Variants in BTBD9 observed in about 807,000 individuals in gnomAD.
BTBD9 encodes the protein BTB/POZ domain-containing protein 9.
A neutral mutation model predicts 64.3 loss-of-function variants in BTBD9; 49 were observed. The observed-to-expected ratio is 0.76, with a 90% CI of 0.61 to 0.97. The LOEUF is 0.97. Ranked by LOEUF, BTBD9 falls within the 50% of genes least tolerant of loss-of-function variation. The pLI is 0.00. For missense variants in BTBD9, 598 were observed against 762.1 expected, an observed-to-expected ratio of 0.78 and a Z score of 2.53; for synonymous variants, 260 against 274.7, an observed-to-expected ratio of 0.95 and a Z score of 0.53.
In BTBD9 at chr6:38,453,806, C is replaced by T. The variant is rs532636870; in HGVS notation, c.1155-108713G>A. ...ATTAAAATGCTACAACTGCAATAAC[C>T]GCTATATAAATAAATCAAGCTGCTT... On this transcript the variant is annotated intron_variant, in intron 6 of 10. Coordinates refer to ENST00000481247, the MANE Select transcript of BTBD9 (RefSeq NM_001099272.2). Among the ~76,000 whole-genome samples, 5 of 152,188 alleles carry T rather than the reference C, an allele frequency of 3.3e-5. No individual in the cohort carries two copies. The South Asian group carries it at 1.0e-3, about 32-fold the overall frequency.
At chr6:38,378,873 C>CAAAAAAAAAAAAAAAAAA (rs61334171) in intron 6 of BTBD9, among the ~76,000 whole-genome samples, 1 of 110,286 alleles carries the variant, frequency 9.1e-6, no homozygotes, top group Non-Finnish European at 2.0e-5. Context: ...GACTCCATCT[C>CAAAAAAAAAAAAAAAAAA]AAAAAAAAAA....
At chr6:38,626,150 T>TA (rs1053091725) in intron 1 of BTBD9, among the ~76,000 whole-genome samples, 3 of 152,102 alleles carry the variant, frequency 2.0e-5, no homozygotes, top group South Asian at 2.1e-4. Context: ...CACACATACT[T>TA]AAAAAAAATT....
intron 6 of BTBD9, among the ~76,000 whole-genome samples, chr6:38,477,142 T>C (rs901351226): frequency 1.8e-4 from 27 of 152,212 alleles, no homozygotes; most frequent in Non-Finnish European, 2.9e-4. Flanking sequence ...TGAATTCCAC[T>C]GAGGGAGAAG....
intron 2 of BTBD9, among the ~76,000 whole-genome samples, 181 bp downstream of exon 2, chr6:38,597,729 T>G (rs1777095926): frequency 6.6e-6 from 1 of 152,144 alleles, no homozygotes; most frequent in Non-Finnish European, 1.5e-5. Context: ...AGGTGGCTCC[T>G]AAAGGAAAAG....
At chr6:38,195,342 A>G (rs931179350) in intron 9 of BTBD9, among the ~76,000 whole-genome samples, 33 of 152,106 alleles carry the variant, frequency 2.2e-4, no homozygotes, top group African/African-American at 7.5e-4. Context: ...AAATATTCCA[A>G]CTCACCAGGT....
At chr6:38,602,438 G>A (rs918132049) in intron 1 of BTBD9, among the ~76,000 whole-genome samples, 4 of 151,878 alleles carry the variant, frequency 2.6e-5, no homozygotes, top group African/African-American at 9.7e-5. Context: ...TTAAGTATGT[G>A]TATTTACATG....
Position 38,422,892 on chromosome 6 carries a change from G to T in BTBD9, c.1155-77799C>A, listed in dbSNP as rs114681661. On this transcript the variant is annotated intron_variant, in intron 6 of 10. Transcript: ENST00000481247. Reference sequence around the variant, plus strand: ...AGACGGGAGGACTGCTTGAGGCCCGGAAGTCATGATCAGCCTGGTCAACAT... The same window carrying T: ...AGACGGGAGGACTGCTTGAGGCCCGTAAGTCATGATCAGCCTGGTCAACAT... Among the ~76,000 whole-genome samples, 452 of 152,226 alleles carry T rather than the reference G, an allele frequency of 3.0e-3. 2 individuals are homozygous for T. Among genetic ancestry groups the T allele is most frequent in the African/African-American group, 0.01 (433 of 41,538 alleles).
Position 38,275,008 on chromosome 6 carries a change from A to G in BTBD9, c.1454+13264T>C, listed in dbSNP as rs565179007. ...ATTGGAAAAAACTACTTTAAAGTTC[A>G]TATGGAACCAAAAAAGAGCCCGCAT... On this transcript the variant is annotated intron_variant, in intron 8 of 10. Coordinates refer to ENST00000481247, the MANE Select transcript of BTBD9 (RefSeq NM_001099272.2). Among the ~76,000 whole-genome samples the G allele has an allele frequency of 4.6e-5, 7 of 152,320 alleles. No individual in the cohort carries two copies. In the South Asian group the frequency reaches 1.4e-3, roughly 32 times the overall value.
chr6:38,335,254 A>T (rs536103707), intron 7 of BTBD9, among the ~76,000 whole-genome samples: 119 of 140,966 alleles, frequency 8.4e-4, no homozygotes, highest in Non-Finnish European at 1.4e-3. Flanking sequence ...TTAATTTTAA[A>T]TTTTTTTTTT....
chr6:38,179,143 G>A (rs924158583), intron 10 of BTBD9, among the ~76,000 whole-genome samples: 1 of 152,140 alleles, frequency 6.6e-6, no homozygotes, highest in African/African-American at 2.4e-5. Flanking sequence ...GAGCTACCAT[G>A]CCCAGCCTAC....
chr6:38,504,589 G>C (rs976461742), intron 6 of BTBD9: 22 of 456,394 alleles, frequency 4.8e-5, no homozygotes, highest in Admixed American at 3.5e-4. Flanking sequence ...GATTTTTTTA[G>C]GCTTTGGGGG....
chr6:38,424,835 T>TTA (rs1768074472), intron 6 of BTBD9, among the ~76,000 whole-genome samples: 1 of 150,840 alleles, frequency 6.6e-6, no homozygotes, highest in African/African-American at 2.4e-5. Flanking sequence ...TTATTTTATT[T>TTA]TTATTATTAT....
chr6:38,374,307 G>GTATATATATATGTA (rs1765576450), intron 6 of BTBD9, among the ~76,000 whole-genome samples: 1 of 59,124 alleles, frequency 1.7e-5, no homozygotes, highest in African/African-American at 7.9e-5. Flanking sequence ...GTATATATAT[G>GTATATATATATGTA]TATATATATA....
chr6:38,232,217 CCTT>C (rs1763632640), intron 9 of BTBD9, among the ~76,000 whole-genome samples: 2 of 152,008 alleles, frequency 1.3e-5, no homozygotes, highest in African/African-American at 4.8e-5. Context: ...CATGGACAGT[CCTT>C]CTTGTAAGGG....
chr6:38,275,984 C>A (rs1344718713), intron 8 of BTBD9, among the ~76,000 whole-genome samples: 16 of 152,070 alleles, frequency 1.1e-4, no homozygotes, highest in African/African-American at 1.4e-4. Context: ...TTGACCCAGC[C>A]ATCCCATTAC....
chr6:38,179,858 C>T (rs913926687), intron 10 of BTBD9: 12 of 456,184 alleles, frequency 2.6e-5, no homozygotes, highest in Non-Finnish European at 4.4e-5. Flanking sequence ...AAGGTGTGCA[C>T]AGGTGAGGCC....
In BTBD9 at chr6:38,505,274, T is replaced by C. The variant is rs114424250; in HGVS notation, c.1154+72326A>G. On this transcript the variant is annotated intron_variant, in intron 6 of 10. Transcript: ENST00000481247. ...AGTATCTGTCTATAGACCAAATCTCTCCTCTAATTTCCACGTGTCTACATT... is the reference window on the plus strand; with the variant it reads ...AGTATCTGTCTATAGACCAAATCTCCCCTCTAATTTCCACGTGTCTACATT... Among the ~76,000 whole-genome samples, 545 of 152,248 alleles carry C rather than the reference T, an allele frequency of 3.6e-3. 3 individuals are homozygous for C. The highest frequency in any genetic ancestry group is 0.012 in the African/African-American group (493 of 41,538).
chr6:38,375,088 C>T (rs550410712), intron 6 of BTBD9, among the ~76,000 whole-genome samples: 12 of 152,242 alleles, frequency 7.9e-5, no homozygotes, highest in Non-Finnish European at 1.8e-4. Context: ...ATAAAACCAG[C>T]GTTGAAGAAG....
At chr6:38,455,053 AAAAT>A (rs989585953) in intron 6 of BTBD9, among the ~76,000 whole-genome samples, 1 of 152,128 alleles carries the variant, frequency 6.6e-6, no homozygotes, top group African/African-American at 2.4e-5. Context: ...TGAAACAAAC[AAAAT>A]AAATAAATAA....
Sources: gnomAD v4.1 joint callset for allele counts (sites outside exome capture counted in the v4.1 genomes callset) on GRCh38, gnomAD v4.1.1 for gene constraint, MANE v1.5 for transcripts, NCBI Gene and HGNC (gene_info 2026-07-23, HGNC 2026-07-21) for gene names.